RALA: variants seen among roughly 807,000 people sequenced by gnomAD.
RALA encodes RAS like proto-oncogene A, also known as ras-related protein Ral-A.
In RALA, 5 loss-of-function variants were observed where a neutral mutation model predicts 24.0. That is an observed-to-expected ratio of 0.21 (90% CI 0.11 to 0.44). The LOEUF is 0.44. Among genes scored for constraint, RALA ranks in the 20% least tolerant of loss-of-function variants. The pLI, the probability that RALA is intolerant of heterozygous loss-of-function variation, is 0.99. For missense variants in RALA, 95 were observed against 241.2 expected, an observed-to-expected ratio of 0.39 and a Z score of 4.01; for synonymous variants, 77 against 83.8, an observed-to-expected ratio of 0.92 and a Z score of 0.44.
chr7:39,669,377 A>T (rs1792341739), intron 1 of RALA, among the ~76,000 whole-genome samples: 1 of 152,200 alleles, frequency 6.6e-6, no homozygotes, highest in Non-Finnish European at 1.5e-5. Flanking sequence ...AAGAAAAAGG[A>T]AATCCAGAAG....
chr7:39,643,885 G>T (rs1791881875), intron 1 of RALA, among the ~76,000 whole-genome samples: 1 of 152,028 alleles, frequency 6.6e-6, no homozygotes, highest in Admixed American at 6.6e-5. Flanking sequence ...AGAAAGAAAA[G>T]AAAAGAAAGA....
At chr7:39,678,703 T>G (rs934222234) in intron 1 of RALA, among the ~76,000 whole-genome samples, 16 of 152,232 alleles carry the variant, frequency 1.1e-4, no homozygotes, top group African/African-American at 3.9e-4. Context: ...TACATGTGGA[T>G]AAGTTGTATT....
intron 1 of RALA, among the ~76,000 whole-genome samples, chr7:39,637,836 C>G (rs1180371473): frequency 2.0e-5 from 3 of 152,172 alleles, no homozygotes; most frequent in African/African-American, 7.2e-5. Flanking sequence ...GCCACATTTG[C>G]TTTTTCTGAG....
intron 1 of RALA, among the ~76,000 whole-genome samples, chr7:39,638,495 A>C (rs1791724412): frequency 6.6e-6 from 1 of 152,102 alleles, no homozygotes; most frequent in Admixed American, 6.5e-5. Flanking sequence ...GATATACCAC[A>C]TTTTGTTTAT....
At chr7:39,640,626 A>C (rs1791796519) in intron 1 of RALA, among the ~76,000 whole-genome samples, 1 of 152,190 alleles carries the variant, frequency 6.6e-6, no homozygotes, top group South Asian at 2.1e-4. Flanking sequence ...GCCTTTCTTA[A>C]TGTTTTCTAA....
chr7:39,674,103 G>A (rs114791876), intron 1 of RALA, among the ~76,000 whole-genome samples: 497 of 151,840 alleles, frequency 3.3e-3, no homozygotes, highest in African/African-American at 0.011. Context: ...TTGAGGGGGG[G>A]TGGTCTTACT....
At chr7:39,643,093 C>G (rs1342521518) in intron 1 of RALA, among the ~76,000 whole-genome samples, 1 of 152,134 alleles carries the variant, frequency 6.6e-6, no homozygotes, top group Non-Finnish European at 1.5e-5. Flanking sequence ...ATTTTATATT[C>G]ATTGTTTACA....
rs1180864879 is a variant in RALA, at chr7:39,647,498, G to T, written c.-38+23673G>T. Among the ~76,000 whole-genome samples the T allele has an allele frequency of 3.3e-5, 5 of 152,302 alleles. No individual in the cohort carries two copies. The South Asian group carries it at 6.2e-4, about 19-fold the overall frequency. On this transcript the variant is annotated intron_variant, in intron 1 of 4. Transcript: ENST00000005257. Reference sequence around the variant, plus strand: ...TGTTGGAAACATTTGAAACAATGTAGGTCTGGAGTTTCATAGTCCTGCATT... The same window carrying T: ...TGTTGGAAACATTTGAAACAATGTATGTCTGGAGTTTCATAGTCCTGCATT...
At chr7:39,655,583 A>G (rs1428768214) in intron 1 of RALA, among the ~76,000 whole-genome samples, 1 of 151,938 alleles carries the variant, frequency 6.6e-6, no homozygotes, top group Non-Finnish European at 1.5e-5. Context: ...TTCTTTTCCC[A>G]TTTCTTAATT....
At chr7:39,658,595 A>G (rs76171054) in intron 1 of RALA, among the ~76,000 whole-genome samples, 9,421 of 152,168 alleles carry the variant, frequency 0.062, 381 homozygotes, top group Non-Finnish European at 0.087. Context: ...AAATATATAT[A>G]TACACACACA....
intron 4 of RALA, among the ~76,000 whole-genome samples, chr7:39,698,951 A>G (rs1792967608): frequency 6.6e-6 from 1 of 152,092 alleles, no homozygotes; most frequent in Non-Finnish European, 1.5e-5. Flanking sequence ...ATATAGTGGA[A>G]TGTCCTTTTT....
At chr7:39,644,828 A>G (rs1374751096) in intron 1 of RALA, among the ~76,000 whole-genome samples, 2 of 152,246 alleles carry the variant, frequency 1.3e-5, no homozygotes, top group South Asian at 2.1e-4. Context: ...TTTAAAACCC[A>G]GAAGTAATGT....
At chr7:39,695,674 G>A (rs1792906217) in intron 3 of RALA, among the ~76,000 whole-genome samples, 1 of 152,004 alleles carries the variant, frequency 6.6e-6, no homozygotes, top group African/African-American at 2.4e-5. Context: ...AAAGTGCTGG[G>A]TTTACAGGTA....
At chr7:39,636,378 C>G (rs1791684839) in intron 1 of RALA, among the ~76,000 whole-genome samples, 1 of 152,142 alleles carries the variant, frequency 6.6e-6, no homozygotes, top group Non-Finnish European at 1.5e-5. Context: ...TTGTTATTGT[C>G]TTATCTTTTT....
intron 1 of RALA, among the ~76,000 whole-genome samples, chr7:39,647,694 T>C (rs1428614846): frequency 6.6e-6 from 1 of 152,136 alleles, no homozygotes; most frequent in East Asian, 1.9e-4. Context: ...TGAATGGAAT[T>C]GGTGTCCTTA....
chr7:39,668,364 A>T (rs562618509), intron 1 of RALA, among the ~76,000 whole-genome samples: 9 of 152,320 alleles, frequency 5.9e-5, no homozygotes, highest in Non-Finnish European at 4.4e-5. Flanking sequence ...TAAATGTAGA[A>T]ATAGGTGGTC....
intron 1 of RALA, among the ~76,000 whole-genome samples, chr7:39,626,498 T>C (rs1791490464): frequency 6.6e-6 from 1 of 152,222 alleles, no homozygotes; most frequent in Admixed American, 6.5e-5. Flanking sequence ...TACTGATTCC[T>C]CTCTCTTGGA....
intron 1 of RALA, among the ~76,000 whole-genome samples, chr7:39,675,747 A>AC (rs1047350707): frequency 3.5e-4 from 47 of 133,834 alleles, no homozygotes; most frequent in African/African-American, 8.9e-4. Context: ...ATTAAAAAAA[A>AC]AAAAAAAAAA....
intron 1 of RALA, among the ~76,000 whole-genome samples, chr7:39,645,480 A>T (rs1791909529): frequency 6.6e-6 from 1 of 152,222 alleles, no homozygotes; most frequent in Non-Finnish European, 1.5e-5. Context: ...GATGATAGTA[A>T]TTGAGGGTTT....
Sources: allele counts gnomAD v4.1 joint callset (sites outside exome capture counted in the v4.1 genomes callset), GRCh38; gene constraint gnomAD v4.1.1; transcripts MANE v1.5; gene names NCBI Gene and HGNC (gene_info 2026-07-23, HGNC 2026-07-21).